RASEF: variants seen among roughly 807,000 people sequenced by gnomAD.
RASEF encodes ras and EF-hand domain-containing protein.
A neutral mutation model predicts 90.1 loss-of-function variants in RASEF; 68 were observed. That is an observed-to-expected ratio of 0.75 (90% CI 0.62 to 0.92). The LOEUF is 0.92. Among genes scored for constraint, RASEF ranks in the 40% least tolerant of loss-of-function variants. The pLI, the probability that RASEF is intolerant of heterozygous loss-of-function variation, is 0.00. For missense variants in RASEF, 949 were observed against 937.2 expected (o/e 1.01, Z -0.16); for synonymous variants, 331 against 345.2 (o/e 0.96, Z 0.46).
intron 16 of RASEF, 96 bp from the exon 17 acceptor site, chr9:82,982,878 A>G (rs1301302179): frequency 6.5e-6 from 5 of 768,820 alleles, no homozygotes; most frequent in Non-Finnish European, 1.2e-5. Context: ...TTCTGTAGAA[A>G]TAAAAATAGC....
At chr9:83,029,559 A>ATTTTT (rs59621078) in intron 1 of RASEF, among the ~76,000 whole-genome samples, 6 of 130,342 alleles carry the variant, frequency 4.6e-5, no homozygotes, top group Non-Finnish European at 8.1e-5. Context: ...CACCAAACTA[A>ATTTTT]TTTTTTTTTT....
At chr9:83,029,718 T>C (rs1829612073) in intron 1 of RASEF, among the ~76,000 whole-genome samples, 1 of 152,104 alleles carries the variant, frequency 6.6e-6, no homozygotes, top group Non-Finnish European at 1.5e-5. Context: ...GCCCCAGGCT[T>C]GTTCTTATAA....
chr9:83,005,070 G>A (rs1339805837), intron 8 of RASEF, among the ~76,000 whole-genome samples: 2 of 152,136 alleles, frequency 1.3e-5, no homozygotes, highest in Non-Finnish European at 2.9e-5. Context: ...ATTTCTGTAG[G>A]AGGGTTTGAA....
At chr9:83,104,578 G>C in the RASEF span, among the ~76,000 whole-genome samples, 2 of 152,044 alleles carry the variant, frequency 1.3e-5, no homozygotes, top group African/African-American at 2.4e-5. Context: ...ATAAATATAC[G>C]TGGTGGTATC....
rs1829012479 is a variant in RASEF, at chr9:83,000,502, G to C, written c.1506C>G (p.Pro502=). The C allele has an allele frequency of 1.2e-6, 2 of 1,613,362 alleles. No individual in the cohort carries two copies. The highest frequency in any genetic ancestry group is 2.2e-5 in the South Asian group (2 of 91,060). Residue 502 remains proline, a synonymous_variant, in exon 11 of 17, where the codon CCC becomes CCG. Coordinates refer to ENST00000376447, the MANE Select transcript of RASEF (RefSeq NM_152573.4). Reference sequence around the variant, plus strand: ...TGCTGCCTTCACTAACAGACCCTTGGGGCTTCCAGTCTAAGACGGAAGCCA... The same window carrying C: ...TGCTGCCTTCACTAACAGACCCTTGCGGCTTCCAGTCTAAGACGGAAGCCA... ...EDVASVLDWK[P]QGSVSEGSIV...
intron 10 of RASEF, 119 bp from the exon 11 acceptor site, chr9:83,000,689 A>C: frequency 2.1e-6 from 2 of 959,422 alleles, no homozygotes; most frequent in Non-Finnish European, 3.1e-6. Flanking sequence ...ATCAACAGTC[A>C]ATGCTATTAA....
At chr9:83,103,280 G>A in the RASEF span, among the ~76,000 whole-genome samples, 18 of 152,092 alleles carry the variant, frequency 1.2e-4, no homozygotes, top group African/African-American at 4.1e-4. Context: ...TTAAACAATC[G>A]GCTTATTAGT....
the RASEF span, among the ~76,000 whole-genome samples, chr9:83,143,954 T>C: frequency 6.6e-6 from 1 of 152,080 alleles, no homozygotes; most frequent in Non-Finnish European, 1.5e-5. Flanking sequence ...ATACACACCA[T>C]GGAATAGTAC....
At chr9:82,998,757 GTGTGTGTACA>G (rs1260529514) in intron 12 of RASEF, among the ~76,000 whole-genome samples, 1 of 152,076 alleles carries the variant, frequency 6.6e-6, no homozygotes, top group East Asian at 1.9e-4. Flanking sequence ...GTGTGTGTGG[GTGTGTGTACA>G]TGTGTGTATG....
At chr9:83,177,454 T>C in the RASEF span, among the ~76,000 whole-genome samples, 2 of 152,142 alleles carry the variant, frequency 1.3e-5, no homozygotes, top group Admixed American at 6.5e-5. Flanking sequence ...TTTTGGAAGA[T>C]TGTCTCCTGG....
chr9:83,021,931 A>T (rs891298257), intron 3 of RASEF, among the ~76,000 whole-genome samples: 2 of 152,134 alleles, frequency 1.3e-5, no homozygotes, highest in Non-Finnish European at 2.9e-5. Context: ...ATCTAGATTT[A>T]AAGTGGGCAG....
the RASEF span, among the ~76,000 whole-genome samples, chr9:83,081,247 A>C: frequency 6.6e-6 from 1 of 152,190 alleles, no homozygotes; most frequent in African/African-American, 2.4e-5. Context: ...CTTCTTTTCA[A>C]AGTAAATGAA....
At chr9:83,146,708 TAA>T in the RASEF span, among the ~76,000 whole-genome samples, 26 of 152,300 alleles carry the variant, frequency 1.7e-4, no homozygotes, top group South Asian at 5.0e-3. Context: ...CCTTCTGTTT[TAA>T]ACAGTCATTG....
At chr9:83,008,011 C>T (rs1480537198) in intron 6 of RASEF, among the ~76,000 whole-genome samples, 1 of 152,166 alleles carries the variant, frequency 6.6e-6, no homozygotes, top group Non-Finnish European at 1.5e-5. Flanking sequence ...TCCCTCCTCT[C>T]CTTACCTAAA....
At chr9:83,179,570 G>A in the RASEF span, among the ~76,000 whole-genome samples, 5 of 152,152 alleles carry the variant, frequency 3.3e-5, no homozygotes, top group Admixed American at 6.5e-5. Flanking sequence ...ACTGCATCAA[G>A]GCAAGGACCA....
the RASEF span, among the ~76,000 whole-genome samples, chr9:83,208,815 C>G: frequency 1.3e-5 from 2 of 152,204 alleles, no homozygotes; most frequent in Non-Finnish European, 2.9e-5. Context: ...CCAGACTGGT[C>G]TCTGAGCAGA....
chr9:83,163,875 A>C, the RASEF span, among the ~76,000 whole-genome samples: 8 of 152,026 alleles, frequency 5.3e-5, no homozygotes, highest in Admixed American at 3.9e-4. Context: ...GGCTCAGAGA[A>C]CACCAAGAAA....
In RASEF at chr9:83,004,568, G is replaced by A. The variant is rs1829095701; in HGVS notation, c.1132C>T (p.Pro378Ser). Residue 378 changes from proline to serine, a missense_variant, in exon 9 of 17, where the codon CCA becomes TCA. Pro to Ser is a moderately conservative substitution (Grantham distance 74). Transcript: ENST00000376447. ...NRSLHINNIS[P>S]GNTISRSSPK... The stretch of plus-strand genomic sequence containing the variant: ...CTGCTTCTAGAAATTGTATTCCCTG[G>A]TGAGATATTATTTATATGCTGTAAT... 1.9e-6 allele frequency: 3 copies of A among 1,584,678 alleles called. No individual in the cohort carries two copies. Among genetic ancestry groups the A allele is most frequent in the Non-Finnish European group, 1.7e-6 (2 of 1,153,524 alleles).
the RASEF span, among the ~76,000 whole-genome samples, chr9:83,088,634 A>G: frequency 6.6e-6 from 1 of 152,048 alleles, no homozygotes; most frequent in Admixed American, 6.6e-5. Context: ...AGTGCTGAAT[A>G]TTTTTGATAG....
Sources: allele counts gnomAD v4.1 joint callset (sites outside exome capture counted in the v4.1 genomes callset), GRCh38; gene constraint gnomAD v4.1.1; transcripts MANE v1.5; gene names NCBI Gene and HGNC (gene_info 2026-07-23, HGNC 2026-07-21).